DNAJC1: variants seen among roughly 807,000 people sequenced by gnomAD.
DNAJC1 encodes the protein DnaJ heat shock protein family (Hsp40) member C1.
DNAJC1 carries 58 observed loss-of-function variants against 76.6 expected under a neutral mutation model. The observed-to-expected ratio is 0.76, with a 90% confidence interval of 0.61 to 0.94. The LOEUF is 0.94. Among genes scored for constraint, DNAJC1 ranks in the 40% least tolerant of loss-of-function variants. The probability of loss-of-function intolerance (pLI) is 0.00; values close to 1 mark genes in which losing one functional copy is unlikely to be tolerated. For missense variants in DNAJC1, 689 were observed against 677.3 expected (o/e 1.02, Z -0.19); for synonymous variants, 258 against 267.9 (o/e 0.96, Z 0.36).
chr10:21,945,982 G>A (rs1257550853), intron 1 of DNAJC1, among the ~76,000 whole-genome samples: 1 of 150,304 alleles, frequency 6.7e-6, no homozygotes, highest in Non-Finnish European at 1.5e-5. Flanking sequence ...AATTTGAGAA[G>A]TGATAAATGC....
chr10:21,796,640 C>G (rs1834753369), intron 9 of DNAJC1, among the ~76,000 whole-genome samples: 1 of 152,060 alleles, frequency 6.6e-6, no homozygotes, highest in Non-Finnish European at 1.5e-5. Flanking sequence ...TTGATGATGG[C>G]TGTCCTAAGA....
At chr10:22,001,940 C>T (rs192042312) in intron 1 of DNAJC1, among the ~76,000 whole-genome samples, 60 of 152,274 alleles carry the variant, frequency 3.9e-4, no homozygotes, top group Admixed American at 6.5e-4. Flanking sequence ...GGCAACAGAT[C>T]ATAAATATAG....
At chr10:21,855,525 TAA>T (rs1023679447) in intron 8 of DNAJC1, among the ~76,000 whole-genome samples, 20 of 152,166 alleles carry the variant, frequency 1.3e-4, no homozygotes, top group Non-Finnish European at 2.6e-4. Context: ...CAATTTTTAT[TAA>T]AGAGTAAACT....
chr10:21,953,870 T>C (rs1211427019), intron 1 of DNAJC1, among the ~76,000 whole-genome samples: 2 of 146,814 alleles, frequency 1.4e-5, no homozygotes, highest in African/African-American at 5.0e-5. Context: ...AAACCAACTA[T>C]GTATTCTTCA....
chr10:22,003,467 A>T lies in DNAJC1; in HGVS notation c.-33T>A. On this transcript the variant is annotated 5_prime_UTR_variant, in exon 1 of 12. Transcript: ENST00000376980. Reference sequence around the variant, plus strand: ...GGCTCGGAAAGGTCACCCGCCGCGCAGCTCCGTTGGCCGAGAGCTGGGACG... The same window carrying T: ...GGCTCGGAAAGGTCACCCGCCGCGCTGCTCCGTTGGCCGAGAGCTGGGACG... 1 of 1,334,794 alleles carries T rather than the reference A, an allele frequency of 7.5e-7. No individual in the cohort carries two copies. The highest frequency in any genetic ancestry group is 9.5e-7 in the Non-Finnish European group (1 of 1,049,528). The allele number at this position is 1,334,794 out of a possible 1,614,324, so 82.7% of individuals were successfully genotyped here.
intron 10 of DNAJC1, among the ~76,000 whole-genome samples, chr10:21,760,072 C>A (rs368641520): frequency 6.6e-6 from 1 of 152,140 alleles, no homozygotes; most frequent in Non-Finnish European, 1.5e-5. Flanking sequence ...TATACACTTA[C>A]AAATAGTAGC....
At chr10:21,941,268 CAAAAAAAAAA>C (rs11435502) in intron 1 of DNAJC1, among the ~76,000 whole-genome samples, 2 of 43,656 alleles carry the variant, frequency 4.6e-5, no homozygotes, top group East Asian at 6.1e-4. Context: ...GACACTGTCT[CAAAAAAAAAA>C]AAAAAAAAAA....
chr10:22,001,142 A>C (rs2131856284), intron 1 of DNAJC1, among the ~76,000 whole-genome samples: 1 of 152,310 alleles, frequency 6.6e-6, no homozygotes, highest in Middle Eastern at 3.4e-3. Flanking sequence ...TAGGCACCAA[A>C]CAAATCTCTG....
rs143863644 is a variant in DNAJC1, at chr10:21,998,751, T to C, written c.222+4462A>G. Among the ~76,000 whole-genome samples, 17 of 152,346 alleles carry C rather than the reference T, an allele frequency of 1.1e-4. No homozygotes were observed. In the East Asian group the frequency reaches 3.3e-3, roughly 29 times the overall value. On this transcript the variant is annotated intron_variant, in intron 1 of 11. Transcript: ENST00000376980. ...TCTAAGGATACATGGAAGAAGATTC[T>C]TCTGCTGCCTGAAGGCTGTGAAAGA...
In DNAJC1 at chr10:21,846,210, A is replaced by G. The variant is rs187722668; in HGVS notation, c.978+36072T>C. Among the ~76,000 whole-genome samples, 19 of 152,330 alleles carry G rather than the reference A, an allele frequency of 1.2e-4. No homozygotes were observed. In the East Asian group the frequency reaches 2.5e-3, roughly 20 times the overall value. ...TTTGCGTACAATGTCTGTGAACTGA[A>G]GGAGTTCAAGCACAATGCCTGTCAT... On this transcript the variant is annotated intron_variant, in intron 8 of 11. Coordinates refer to ENST00000376980, the MANE Select transcript of DNAJC1 (RefSeq NM_022365.4).
chr10:21,863,559 T>C (rs1270936178), intron 8 of DNAJC1, among the ~76,000 whole-genome samples: 2 of 152,030 alleles, frequency 1.3e-5, no homozygotes, highest in Non-Finnish European at 2.9e-5. Flanking sequence ...AAAATAAAAC[T>C]AAATTATAGA....
intron 1 of DNAJC1, among the ~76,000 whole-genome samples, chr10:21,946,417 T>C (rs1837506165): frequency 6.6e-6 from 1 of 152,050 alleles, no homozygotes; most frequent in Admixed American, 6.5e-5. Context: ...CAAATTAAAG[T>C]CAAAGTGAGA....
At chr10:21,802,010 A>G (rs1834819858) in intron 9 of DNAJC1, among the ~76,000 whole-genome samples, 1 of 152,186 alleles carries the variant, frequency 6.6e-6, no homozygotes, top group Non-Finnish European at 1.5e-5. Context: ...GGAGAGGAGC[A>G]GAAAAAATAA....
chr10:21,993,795 T>C (rs1408403562), intron 1 of DNAJC1, among the ~76,000 whole-genome samples: 1 of 152,224 alleles, frequency 6.6e-6, no homozygotes, highest in Admixed American at 6.5e-5. Flanking sequence ...GATCTTTGTT[T>C]TTAATATTAA....
At chr10:21,781,064 A>G (rs1480182391) in intron 9 of DNAJC1, among the ~76,000 whole-genome samples, 1 of 152,216 alleles carries the variant, frequency 6.6e-6, no homozygotes, top group East Asian at 1.9e-4. Context: ...ATATATATGC[A>G]CCCTATTCAG....
chr10:21,820,957 C>A (rs991411586), intron 8 of DNAJC1, among the ~76,000 whole-genome samples: 4 of 152,164 alleles, frequency 2.6e-5, no homozygotes, highest in African/African-American at 9.7e-5. Context: ...GCCCTCTGAA[C>A]CCTGTCCTTG....
At chr10:21,813,202 CTCTCTCTCTCTCTCTCTCTATATA>C (rs1435327903) in intron 8 of DNAJC1, among the ~76,000 whole-genome samples, 5 of 79,530 alleles carry the variant, frequency 6.3e-5, no homozygotes, top group Non-Finnish European at 1.1e-4. Context: ...CTCTCTCTCT[CTCTCTCTCTCTCTCTCTCTATATA>C]TATATATATA....
intron 1 of DNAJC1, among the ~76,000 whole-genome samples, chr10:21,960,755 T>C (rs2131817597): frequency 6.6e-6 from 1 of 152,264 alleles, no homozygotes; most frequent in Middle Eastern, 3.4e-3. Context: ...GGTAAGGAGT[T>C]AATATCCAGA....
rs150328695 is a variant in DNAJC1 at position 21,969,389 on chromosome 10, T to A, written c.222+33824A>T. The stretch of plus-strand genomic sequence containing the variant: ...GTATAAAAAATAAATTAACTCATCA[T>A]AATTGCAAAGTGGCTTACGAATTCA... On this transcript the variant is annotated intron_variant, in intron 1 of 11. Coordinates refer to ENST00000376980, the MANE Select transcript of DNAJC1 (RefSeq NM_022365.4). Among the ~76,000 whole-genome samples, 506 of 152,284 alleles carry A rather than the reference T, an allele frequency of 3.3e-3. 2 individuals are homozygous for A. The highest frequency in any genetic ancestry group is 0.031 in the Middle Eastern group (9 of 294).
Sources: gnomAD v4.1 joint callset for allele counts (sites outside exome capture counted in the v4.1 genomes callset) on GRCh38, gnomAD v4.1.1 for gene constraint, MANE v1.5 for transcripts, NCBI Gene and HGNC (gene_info 2026-07-23, HGNC 2026-07-21) for gene names.